OR7C1: variants seen among roughly 807,000 people sequenced by gnomAD.
The protein encoded by OR7C1 is olfactory receptor 7C1.
For missense variants in OR7C1, 324 were observed against 383.3 expected (o/e 0.85, Z 1.29); for synonymous variants, 152 against 160.7 (o/e 0.95, Z 0.41).
At position 14,823,408 on chromosome 19, in the gene OR7C1, T is replaced by A. The variant is rs943407677; in HGVS notation, c.-623+11666A>T. Among the ~76,000 whole-genome samples the A allele has an allele frequency of 2.6e-5, 4 of 152,146 alleles. No individual in the cohort carries two copies. The South Asian group carries it at 8.3e-4, about 32-fold the overall frequency. On this transcript the variant is annotated intron_variant, in intron 1 of 4. Transcript: ENST00000641666. ...TGGAGGTTGTGGTGAGCCAAGGTTG[T>A]GCCACTGCACTCCAGTCTGGGCGAC...
chr19:14,822,684 C>T (rs963775617), intron 1 of OR7C1, among the ~76,000 whole-genome samples: 12 of 151,922 alleles, frequency 7.9e-5, no homozygotes, highest in Non-Finnish European at 1.6e-4. Flanking sequence ...ACCCAGCCAC[C>T]TGCCTTTTTT....
chr19:14,801,208 A>T (rs2044640243), intron 2 of OR7C1, among the ~76,000 whole-genome samples: 1 of 152,156 alleles, frequency 6.6e-6, no homozygotes, highest in Non-Finnish European at 1.5e-5. Context: ...CCTAATATGC[A>T]TGCAAAACAG....
intron 1 of OR7C1, chr19:14,827,412 A>G: frequency 1.2e-6 from 2 of 1,614,134 alleles, no homozygotes; most frequent in Non-Finnish European, 1.7e-6. Context: ...CACAGTGTAC[A>G]TCACTGAGGC....
intron 1 of OR7C1, among the ~76,000 whole-genome samples, chr19:14,815,019 A>G (rs532180278): frequency 6.6e-6 from 1 of 152,336 alleles, no homozygotes; most frequent in Non-Finnish European, 1.5e-5. Flanking sequence ...TTTATGTTCT[A>G]CCTGCCAAAT....
Position 14,831,163 on chromosome 19 carries a change from A to G in OR7C1, c.-623+3911T>C, listed in dbSNP as rs190272482. On this transcript the variant is annotated intron_variant, in intron 1 of 4. Transcript: ENST00000641666. ...TGCCGGCCCCAGATAGCTGCTACCCATGACAAAAACTAATGATACCTTTTT... is the reference window on the plus strand; with the variant it reads ...TGCCGGCCCCAGATAGCTGCTACCCGTGACAAAAACTAATGATACCTTTTT... Among the ~76,000 whole-genome samples, 9 of 152,350 alleles carry G rather than the reference A, an allele frequency of 5.9e-5. No individual in the cohort carries two copies. In the East Asian group the frequency reaches 1.7e-3, roughly 29 times the overall value.
rs1162241411 is a variant in OR7C1, at chr19:14,822,373, C to CTTTTTTTTTTTTTT, written c.-622-12394_-622-12381dup. On this transcript the variant is annotated intron_variant, in intron 1 of 4. Coordinates refer to ENST00000641666, the Ensembl canonical transcript of OR7C1. ...ATCCTCATCAGCACTTATCTCCTGTCTTTTTTTTTTTTTTTTTTTTTTTTT... is the reference window on the plus strand; with the variant it reads ...ATCCTCATCAGCACTTATCTCCTGTCTTTTTTTTTTTTTTTTTTTTTTTTTTTTTTTTTTTTTTT... 1.9e-4 allele frequency among the ~76,000 whole-genome samples: 13 copies of CTTTTTTTTTTTTTT among 67,720 alleles called. 2 individuals carry two copies. Among genetic ancestry groups the CTTTTTTTTTTTTTT allele is most frequent in the African/African-American group, 6.5e-4 (12 of 18,532 alleles). 44.4% of individuals were successfully genotyped at this position (67,720 alleles called of 152,430 possible).
At chr19:14,834,054 G>A (rs976747804) in intron 1 of OR7C1, among the ~76,000 whole-genome samples, 18 of 127,958 alleles carry the variant, frequency 1.4e-4, no homozygotes, top group African/African-American at 4.9e-4. Flanking sequence ...GAGCCCAGGA[G>A]TTCGAGACCA....
At chr19:14,827,789 C>T in intron 1 of OR7C1, 3 of 1,614,196 alleles carry the variant, frequency 1.9e-6, no homozygotes, top group Non-Finnish European at 2.5e-6. Context: ...ACAGAGCACT[C>T]ATGGTCCAGG....
rs564777704 is a variant in OR7C1 at position 14,812,939 on chromosome 19, C to T, written c.-622-2946G>A. Among the ~76,000 whole-genome samples, 238 of 151,982 alleles carry T rather than the reference C, an allele frequency of 1.6e-3. 3 individuals are homozygous for T. In the Middle Eastern group the frequency reaches 0.024, roughly 15 times the overall value. On this transcript the variant is annotated intron_variant, in intron 1 of 4. Transcript: ENST00000641666. Reference sequence around the variant, plus strand: ...AATTAGCCAGGCAAAGTGGTGCACGCCTGTAGTCCCAGCTACTTGGGAGGC... The same window carrying T: ...AATTAGCCAGGCAAAGTGGTGCACGTCTGTAGTCCCAGCTACTTGGGAGGC...
chr19:14,823,433 C>T (rs2044750521), intron 1 of OR7C1, among the ~76,000 whole-genome samples: 1 of 152,124 alleles, frequency 6.6e-6, no homozygotes, highest in Non-Finnish European at 1.5e-5. Flanking sequence ...GTCTGGGCGA[C>T]AGAGCAAGAC....
At chr19:14,801,987 A>G (rs1023468095) in intron 2 of OR7C1, among the ~76,000 whole-genome samples, 1 of 152,176 alleles carries the variant, frequency 6.6e-6, no homozygotes, top group South Asian at 2.1e-4. Flanking sequence ...TTGGGTGGGG[A>G]CACAGAGCCA....
chr19:14,800,306 C>T, exon 4 of OR7C1: 1 of 710,184 alleles, frequency 1.4e-6, no homozygotes, highest in Non-Finnish European at 2.3e-6. Flanking sequence ...CCATCCTTTT[C>T]TTTGCTACCA....
intron 2 of OR7C1, among the ~76,000 whole-genome samples, chr19:14,804,930 G>A (rs1193140340): frequency 6.6e-6 from 1 of 151,178 alleles, no homozygotes; most frequent in Non-Finnish European, 1.5e-5. Flanking sequence ...GGAGTGCAGT[G>A]GTGCAATCAT....
At chr19:14,828,565 C>T (rs1334903951) in intron 1 of OR7C1, among the ~76,000 whole-genome samples, 1 of 151,842 alleles carries the variant, frequency 6.6e-6, no homozygotes, top group Non-Finnish European at 1.5e-5. Context: ...TTGAGACCAT[C>T]CTGGCCAACA....
chr19:14,832,963 A>G (rs59889385), intron 1 of OR7C1, among the ~76,000 whole-genome samples: 15,319 of 152,232 alleles, frequency 0.1, 836 homozygotes, highest in East Asian at 0.22. Context: ...ACTGTTCATA[A>G]AAAACTCTTG....
chr19:14,827,385 T>A (rs1446163065), intron 1 of OR7C1: 1 of 1,613,388 alleles, frequency 6.2e-7, no homozygotes, highest in Non-Finnish European at 8.5e-7. Context: ...GATAAAGGGG[T>A]TCAGCATGGG....
chr19:14,834,719 T>C (rs1313931452), intron 1 of OR7C1, among the ~76,000 whole-genome samples: 2 of 152,214 alleles, frequency 1.3e-5, no homozygotes, highest in African/African-American at 2.4e-5. Flanking sequence ...TACATGACTG[T>C]ATATCCCTCC....
At chr19:14,807,224 T>C (rs2044669871) in intron 2 of OR7C1, among the ~76,000 whole-genome samples, 3 of 151,982 alleles carry the variant, frequency 2.0e-5, no homozygotes, top group Non-Finnish European at 4.4e-5. Flanking sequence ...CATGCTTCTA[T>C]TAAGCACTTT....
intron 1 of OR7C1, chr19:14,827,542 T>C: frequency 1.2e-6 from 2 of 1,614,084 alleles, no homozygotes; most frequent in East Asian, 2.2e-5. Context: ...GCCTTGTACT[T>C]CCCCTGAGCT....
Sources: gnomAD v4.1 joint callset for allele counts (sites outside exome capture counted in the v4.1 genomes callset) on GRCh38, gnomAD v4.1.1 for gene constraint, MANE v1.5 for transcripts, NCBI Gene and HGNC (gene_info 2026-07-23, HGNC 2026-07-21) for gene names.